KAZN: variants seen among roughly 807,000 people sequenced by gnomAD.
KAZN encodes the protein kazrin, periplakin interacting protein.
In KAZN, 40 loss-of-function variants were observed where a neutral mutation model predicts 87.4. The ratio of observed to expected loss-of-function variants is 0.46; its 90% CI spans 0.36 to 0.60. KAZN has a LOEUF of 0.60. KAZN is among the 20% of genes least tolerant of loss of function. The pLI is 0.00. For synonymous variants in KAZN, 466 were observed against 458.3 expected, an observed-to-expected ratio of 1.02 and a Z score of -0.22; for missense variants, 898 against 1,073.9, an observed-to-expected ratio of 0.84 and a Z score of 2.29.
At chr1:14,163,894 A>C (rs904086065) in intron 1 of KAZN, among the ~76,000 whole-genome samples, 1 of 152,120 alleles carries the variant, frequency 6.6e-6, no homozygotes, top group Non-Finnish European at 1.5e-5. Flanking sequence ...TTACAGTCAC[A>C]TTTTCCTCGG....
In KAZN at chr1:14,606,696, A is replaced by G. The variant is rs144506685; in HGVS notation, c.226+7473A>G. ...AACAGAGGACTTATTAACCTCAAAC[A>G]GATACCTTCATGCTAGGGTTTCTTA... On this transcript the variant is annotated intron_variant, in intron 1 of 14. Transcript: ENST00000376030. Among the ~76,000 whole-genome samples the G allele has an allele frequency of 1.7e-3, 262 of 152,230 alleles. 1 individual carries two copies. Among genetic ancestry groups the G allele is most frequent in the African/African-American group, 6.1e-3 (255 of 41,532 alleles).
chr1:15,097,108 C>T (rs1640838520), intron 10 of KAZN, among the ~76,000 whole-genome samples: 1 of 152,162 alleles, frequency 6.6e-6, no homozygotes, highest in Non-Finnish European at 1.5e-5. Context: ...GGACTGTTTC[C>T]CACCTGAGAA....
intron 1 of KAZN, among the ~76,000 whole-genome samples, chr1:14,704,652 A>C (rs925611085): frequency 6.6e-6 from 1 of 152,138 alleles, no homozygotes; most frequent in African/African-American, 2.4e-5. Flanking sequence ...TGAAGTCTCC[A>C]CGTCCTGCAT....
chr1:14,648,256 G>C (rs2148689108), intron 1 of KAZN, among the ~76,000 whole-genome samples: 1 of 152,300 alleles, frequency 6.6e-6, no homozygotes, highest in East Asian at 1.9e-4. Context: ...TTAACTCTGG[G>C]CATGGGAATA....
chr1:14,245,224 G>A, intron 2 of KAZN, among the ~76,000 whole-genome samples: 1 of 151,918 alleles, frequency 6.6e-6, no homozygotes, highest in East Asian at 2.0e-4. Context: ...CTCGGCCTCA[G>A]GAAAACATGT....
At chr1:15,034,939 C>A (rs1478301082) in intron 3 of KAZN, 54 bp downstream of exon 3, 3 of 1,601,266 alleles carry the variant, frequency 1.9e-6, no homozygotes, top group East Asian at 4.5e-5. Flanking sequence ...CTCCCACCTC[C>A]CCTGCTGGCT....
chr1:14,307,389 T>G (rs1346641027), intron 2 of KAZN, among the ~76,000 whole-genome samples: 1 of 152,208 alleles, frequency 6.6e-6, no homozygotes, highest in Non-Finnish European at 1.5e-5. Flanking sequence ...TGCTTCTCCC[T>G]TTCATGATAA....
intron 2 of KAZN, among the ~76,000 whole-genome samples, chr1:14,593,341 C>G (rs1407298155): frequency 6.6e-6 from 1 of 152,190 alleles, no homozygotes; most frequent in Admixed American, 6.5e-5. Flanking sequence ...ATCTATCACA[C>G]CAGACAGGGG....
chr1:14,167,044 T>C (rs540710567), intron 1 of KAZN, among the ~76,000 whole-genome samples: 25 of 152,304 alleles, frequency 1.6e-4, no homozygotes, highest in African/African-American at 6.0e-4. Context: ...AAGGATCAAA[T>C]CTCAAGCTTT....
chr1:14,897,884 C>A (rs1264291476), intron 1 of KAZN, among the ~76,000 whole-genome samples: 1 of 152,158 alleles, frequency 6.6e-6, no homozygotes, highest in Non-Finnish European at 1.5e-5. Flanking sequence ...TGAAACTAAC[C>A]GGGGCTCACT....
At chr1:15,092,060 G>GTTTT (rs57460680) in intron 8 of KAZN, among the ~76,000 whole-genome samples, 5 of 114,438 alleles carry the variant, frequency 4.4e-5, no homozygotes, top group East Asian at 5.1e-4. Flanking sequence ...TTGTTTTTTT[G>GTTTT]TTTTTTTTTT....
At chr1:14,294,439 T>A (rs1219372534) in intron 2 of KAZN, among the ~76,000 whole-genome samples, 3 of 151,926 alleles carry the variant, frequency 2.0e-5, no homozygotes, top group Non-Finnish European at 2.9e-5. Flanking sequence ...CCAGGCATAG[T>A]GCTAAGCTCT....
chr1:14,069,650 C>T (rs1171708282), intron 1 of KAZN, among the ~76,000 whole-genome samples: 1 of 152,224 alleles, frequency 6.6e-6, no homozygotes, highest in Non-Finnish European at 1.5e-5. Flanking sequence ...ATATTTTCAG[C>T]TTAGCGTACT....
intron 1 of KAZN, among the ~76,000 whole-genome samples, chr1:14,111,897 G>A (rs191547523): frequency 8.4e-4 from 128 of 151,978 alleles, no homozygotes; most frequent in African/African-American, 2.9e-3. Context: ...GCACCACCAC[G>A]CCCGGCTAAT....
rs563144904 is a variant in KAZN, at chr1:14,475,728, A to G, written c.250-123255A>G. Among the ~76,000 whole-genome samples, 25 of 152,346 alleles carry G rather than the reference A, an allele frequency of 1.6e-4. 1 individual carries two copies. The South Asian group carries it at 3.9e-3, about 24-fold the overall frequency. On this transcript the variant is annotated intron_variant, in intron 2 of 16. Coordinates refer to the KAZN transcript ENST00000636203. ...GGGCTCTTGTGAGTATGTGTGAATA[A>G]TTAAACTTTTTAGAATTTGAACATA... is the stretch of plus-strand genomic sequence containing the variant.
intron 1 of KAZN, among the ~76,000 whole-genome samples, chr1:14,930,838 G>C (rs1181480666): frequency 1.3e-5 from 2 of 152,214 alleles, no homozygotes; most frequent in African/African-American, 2.4e-5. Flanking sequence ...CAATCAGCCA[G>C]AGCCAGTTGG....
At chr1:14,163,797 C>G (rs1237959427) in intron 1 of KAZN, among the ~76,000 whole-genome samples, 1 of 152,172 alleles carries the variant, frequency 6.6e-6, no homozygotes, top group African/African-American at 2.4e-5. Flanking sequence ...CCAGCTTATT[C>G]GATATATTTT....
chr1:14,329,572 TG>T (rs1294889993), intron 2 of KAZN, among the ~76,000 whole-genome samples: 1 of 152,188 alleles, frequency 6.6e-6, no homozygotes, highest in East Asian at 1.9e-4. Context: ...ACAGCAGAAC[TG>T]GGATCAGTGG....
At chr1:14,230,455 G>A (rs1347502403) in intron 2 of KAZN, among the ~76,000 whole-genome samples, 1 of 152,076 alleles carries the variant, frequency 6.6e-6, no homozygotes, top group African/African-American at 2.4e-5. Flanking sequence ...TTTTTATTTG[G>A]AGATGAAAAA....
Sources: gnomAD v4.1 joint callset for allele counts (sites outside exome capture counted in the v4.1 genomes callset) on GRCh38, gnomAD v4.1.1 for gene constraint, MANE v1.5 for transcripts, NCBI Gene and HGNC (gene_info 2026-07-23, HGNC 2026-07-21) for gene names.